The following NMT2 variants were observed in gnomAD, a reference collection of about 807,000 sequenced individuals.
NMT2 encodes glycylpeptide N-tetradecanoyltransferase 2.
A neutral mutation model predicts 65.4 loss-of-function variants in NMT2; 35 were observed. The observed-to-expected ratio is 0.54, with a 90% CI of 0.41 to 0.71. The LOEUF (loss-of-function observed/expected upper bound fraction) is 0.71. NMT2 is among the 30% of genes least tolerant of loss of function. The probability of loss-of-function intolerance (pLI) is 0.00; values close to 1 mark genes in which losing one functional copy is unlikely to be tolerated. For synonymous variants in NMT2, 226 were observed against 231.8 expected (o/e 0.98, Z 0.23); for missense variants, 489 against 611.3 (o/e 0.80, Z 2.11).
At chr10:15,143,494 C>A (rs966930732) in intron 1 of NMT2, among the ~76,000 whole-genome samples, 19 of 152,218 alleles carry the variant, frequency 1.2e-4, no homozygotes, top group African/African-American at 4.6e-4. Flanking sequence ...AAGGCAGTGA[C>A]TGGGAAGGAC....
intron 10 of NMT2, among the ~76,000 whole-genome samples, chr10:15,110,133 T>C (rs567788590): frequency 2.0e-5 from 3 of 152,066 alleles, no homozygotes; most frequent in Non-Finnish European, 2.9e-5. Flanking sequence ...ATAAGCCAGA[T>C]GTGGTGGCGC....
chr10:15,109,618 G>T, intron 11 of NMT2, 84 bp downstream of exon 11: 1 of 1,007,050 alleles, frequency 9.9e-7, no homozygotes, highest in Non-Finnish European at 1.4e-6. Context: ...ATAAAATAAA[G>T]CTGTCTTAAG....
chr10:15,150,090 G>GA (rs1271185363), intron 1 of NMT2, among the ~76,000 whole-genome samples: 1 of 152,094 alleles, frequency 6.6e-6, no homozygotes, highest in East Asian at 1.9e-4. Context: ...ACACTACTAG[G>GA]AAAAAAATAT....
In NMT2 at chr10:15,128,343, T is replaced by A; in HGVS notation, c.999+7A>T. The A allele has an allele frequency of 1.4e-6, 2 of 1,475,688 alleles. No homozygotes were observed. Among genetic ancestry groups the A allele is most frequent in the Non-Finnish European group, 1.9e-6 (2 of 1,056,020 alleles). The allele number at this position is 1,475,688 out of a possible 1,614,324, so 91.4% of individuals were successfully genotyped here. ...GCTTCAAAAAACTGCAAATCATTCT[T>A]ACTTACATCTGGAAGTCTGTATAGC... On this transcript the variant is annotated splice_region_variant and intron_variant, in intron 8 of 11. Coordinates refer to ENST00000378165, the MANE Select transcript of NMT2 (RefSeq NM_004808.3).
intron 2 of NMT2, among the ~76,000 whole-genome samples, chr10:15,136,589 C>A (rs996824256): frequency 1.3e-5 from 2 of 152,040 alleles, no homozygotes; most frequent in Admixed American, 1.3e-4. Flanking sequence ...CCCTTCCTCC[C>A]GGCCACACCC....
intron 8 of NMT2, among the ~76,000 whole-genome samples, chr10:15,122,790 G>A (rs1044348662): frequency 4.6e-5 from 7 of 152,010 alleles, no homozygotes; most frequent in African/African-American, 7.3e-5. Flanking sequence ...CACACTTATC[G>A]CATTAGAAAT....
In NMT2 at chr10:15,127,572, AAAT is replaced by A. The variant is rs1411927160; in HGVS notation, c.999+775_999+777del. ...AAAAAAAAAAAAAAAAAAAAAAAAT[AAAT>A]AAATAAATAAATAAATAAATAAAAT... On this transcript the variant is annotated intron_variant, in intron 8 of 11. Transcript: ENST00000378165. 7.4e-4 allele frequency among the ~76,000 whole-genome samples: 80 copies of A among 107,420 alleles called. 6 individuals are homozygous for A. The highest frequency in any genetic ancestry group is 2.1e-3 in the African/African-American group (50 of 24,020). The allele number at this position is 107,420 out of a possible 152,430, so 70.5% of individuals were successfully genotyped here.
intron 10 of NMT2, among the ~76,000 whole-genome samples, chr10:15,111,381 C>T (rs1456915566): frequency 6.6e-6 from 1 of 151,344 alleles, no homozygotes; most frequent in Non-Finnish European, 1.5e-5. Flanking sequence ...TGTGGTGGCA[C>T]ACACCTATAG....
chr10:15,140,984 T>C lies in NMT2; in HGVS notation c.246+438A>G, dbSNP rs1200494558. 4.5e-6 allele frequency: 7 copies of C among 1,550,570 alleles called. No individual in the cohort carries two copies. The East Asian group carries it at 1.2e-4, about 27-fold the overall frequency. On this transcript the variant is annotated intron_variant, in intron 2 of 11. Transcript: ENST00000378165. ...TTTAATTCAAAGTCAACGAGAGACT[T>C]ACCCATGGCTGCTCCCGCTGAAATC...
chr10:15,168,349 C>G (rs997350297), intron 1 of NMT2, 154 bp downstream of exon 1: 1 of 628,294 alleles, frequency 1.6e-6, no homozygotes, highest in Non-Finnish European at 2.7e-6. Flanking sequence ...GCCGCGCGCC[C>G]CGGACCTCAC....
rs532051482 is a variant in NMT2 at position 15,109,410 on chromosome 10, A to G, written c.1477-195T>C. Among the ~76,000 whole-genome samples, 5 of 152,238 alleles carry G rather than the reference A, an allele frequency of 3.3e-5. No homozygotes were observed. In the East Asian group the frequency reaches 9.6e-4, roughly 29 times the overall value. Reference sequence around the variant, plus strand: ...GCCAACATGGTCAAACCCCATCTCTACTAAAAATGAAAAAATTAGCCAGGC... The same window carrying G: ...GCCAACATGGTCAAACCCCATCTCTGCTAAAAATGAAAAAATTAGCCAGGC... On this transcript the variant is annotated intron_variant, in intron 11 of 11. Coordinates refer to ENST00000378165, the MANE Select transcript of NMT2 (RefSeq NM_004808.3).
In NMT2 at chr10:15,133,297, G is replaced by C. The variant is rs993474770; in HGVS notation, c.458C>G (p.Ser153Cys). The C allele has an allele frequency of 6.2e-7, 1 of 1,614,192 alleles. No homozygotes were observed. The highest frequency in any genetic ancestry group is 1.3e-5 in the African/African-American group (1 of 75,052). ...GTCCCACATAAAACCCTGTGGCAAA[G>C]AATACGGTTCTTGGCGTACGTTGTC... ...DKDNVRQEPY[S>C]LPQGFMWDTL... Residue 153 changes from serine (S) to cysteine (C), a missense_variant, in exon 4 of 12, where the codon TCT becomes TGT. Coordinates refer to ENST00000378165, the MANE Select transcript of NMT2 (RefSeq NM_004808.3).
chr10:15,146,217 A>G (rs1846959593), intron 1 of NMT2, among the ~76,000 whole-genome samples: 1 of 152,220 alleles, frequency 6.6e-6, no homozygotes, highest in South Asian at 2.1e-4. Context: ...TCAGTGGCAC[A>G]TTCAGACCTC....
intron 1 of NMT2, among the ~76,000 whole-genome samples, chr10:15,163,723 T>C (rs1833277874): frequency 1.3e-5 from 2 of 152,174 alleles, no homozygotes; most frequent in Admixed American, 1.3e-4. Flanking sequence ...AACAGACATA[T>C]GAAGTCAGAT....
chr10:15,161,370 G>A (rs1236934507), intron 1 of NMT2, among the ~76,000 whole-genome samples: 1 of 151,732 alleles, frequency 6.6e-6, no homozygotes, highest in Non-Finnish European at 1.5e-5. Context: ...TTATTTTTTT[G>A]AGACAGAGTC....
At chr10:15,115,879 G>C (rs1401265327) in intron 9 of NMT2, among the ~76,000 whole-genome samples, 1 of 152,180 alleles carries the variant, frequency 6.6e-6, no homozygotes, top group African/African-American at 2.4e-5. Flanking sequence ...CCACTAGGGA[G>C]ACACAAAGAC....
chr10:15,151,272 G>T (rs1308411458), intron 1 of NMT2, among the ~76,000 whole-genome samples: 1 of 152,090 alleles, frequency 6.6e-6, no homozygotes, highest in African/African-American at 2.4e-5. Flanking sequence ...GGTCAGGCTG[G>T]TCTTGAACTC....
chr10:15,110,595 C>T (rs1845478727), intron 10 of NMT2, among the ~76,000 whole-genome samples: 1 of 152,082 alleles, frequency 6.6e-6, no homozygotes, highest in South Asian at 2.1e-4. Context: ...GTGATTGTGC[C>T]AGTGCACTTA....
At chr10:15,109,573 A>G (rs1845437239) in intron 11 of NMT2, 129 bp downstream of exon 11, 4 of 787,372 alleles carry the variant, frequency 5.1e-6, no homozygotes, top group Non-Finnish European at 7.1e-6. Context: ...TTCATCTCAA[A>G]AAAATAAATA....
Sources: allele counts gnomAD v4.1 joint callset (sites outside exome capture counted in the v4.1 genomes callset), GRCh38; gene constraint gnomAD v4.1.1; transcripts MANE v1.5; gene names NCBI Gene and HGNC (gene_info 2026-07-23, HGNC 2026-07-21).